SPEF1: variants seen among roughly 807,000 people sequenced by gnomAD.
The protein encoded by SPEF1 is sperm flagella and cilia-associated protein 1.
A neutral mutation model predicts 31.8 loss-of-function variants in SPEF1; 30 were observed. That is an observed-to-expected ratio of 0.94 (90% confidence interval 0.70 to 1.28). The LOEUF is 1.28. SPEF1 is among the 50% of genes most tolerant of loss of function. The probability of loss-of-function intolerance (pLI) is 0.00; values close to 1 mark genes in which losing one functional copy is unlikely to be tolerated. For synonymous variants in SPEF1, 126 were observed against 130.1 expected (o/e 0.97, Z 0.21); for missense variants, 298 against 309.6 (o/e 0.96, Z 0.28).
At position 3,777,996 on chromosome 20, in the gene SPEF1, G is replaced by A. The variant is rs1409298607; in HGVS notation, c.*216C>T. On this transcript the variant is annotated 3_prime_UTR_variant, in exon 7 of 7. Transcript: ENST00000379756. The surrounding 1 kb of genome is among the most constrained non-coding windows in gnomAD (Gnocchi z 4.1). Reference sequence around the variant, plus strand: ...CCTGACCCGGATCTCCGGAGTGGTAGGAGGCGGCTCAGTCCCGGGCCTGCG... The same window carrying A: ...CCTGACCCGGATCTCCGGAGTGGTAAGAGGCGGCTCAGTCCCGGGCCTGCG... 17 of 527,646 alleles carry A rather than the reference G, an allele frequency of 3.2e-5. No individual in the cohort carries two copies. The highest frequency in any genetic ancestry group is 5.4e-5 in the Non-Finnish European group (16 of 298,640). 32.7% of individuals were successfully genotyped at this position (527,646 alleles called of 1,614,324 possible). A position where few individuals can be genotyped will look rare whatever the true frequency, so the allele number is the denominator to read the frequency against.
Position 3,781,408 on chromosome 20 carries a change from A to G in SPEF1, c.-121T>C, listed in dbSNP as rs2088778959. On this transcript the variant is annotated 5_prime_UTR_variant, in exon 1 of 7. Coordinates refer to ENST00000379756, the MANE Select transcript of SPEF1 (RefSeq NM_015417.5). ...ATAACTGCCTCTGCCTGCCTAATCCAGAGACTCACGTCCCAGCTGGGAGCG... is the reference window on the plus strand; with the variant it reads ...ATAACTGCCTCTGCCTGCCTAATCCGGAGACTCACGTCCCAGCTGGGAGCG... 1.9e-5 allele frequency: 27 copies of G among 1,411,226 alleles called. No individual in the cohort carries two copies. The South Asian group carries it at 3.5e-4, about 18-fold the overall frequency. 87.4% of individuals were successfully genotyped at this position (1,411,226 alleles called of 1,614,324 possible). A position where few individuals can be genotyped will look rare whatever the true frequency, so the allele number is the denominator to read the frequency against.
At chr20:3,780,476 T>G (rs1043381916) in intron 1 of SPEF1, among the ~76,000 whole-genome samples, 5 of 110,472 alleles carry the variant, frequency 4.5e-5, no homozygotes. Context: ...TCCAGGAGAG[T>G]AAAAGACTCA....
At chr20:3,778,845 C>A in intron 4 of SPEF1, 39 bp from the exon 5 acceptor site, 1 of 1,610,178 alleles carries the variant, frequency 6.2e-7, no homozygotes, top group Non-Finnish European at 8.5e-7. Context: ...GTGCTGGAGT[C>A]TCATTCTCCT....
chr20:3,779,280 G>T lies in SPEF1; in HGVS notation c.294C>A (p.Gly98=). ...VMRKIAQCAP[G]VVELVLIPLR... ...GCGGGATGAGCACCAGCTCCACCACGCCTGGGGCGCACTGCGCGATCTTGC... is the reference window on the plus strand; with the variant it reads ...GCGGGATGAGCACCAGCTCCACCACTCCTGGGGCGCACTGCGCGATCTTGC... Residue 98 remains glycine, a synonymous_variant, in exon 3 of 7, where the codon GGC becomes GGA. Transcript: ENST00000379756. The T allele has an allele frequency of 6.3e-7, 1 of 1,599,096 alleles. No individual in the cohort carries two copies. Among genetic ancestry groups the T allele is most frequent in the South Asian group, 1.1e-5 (1 of 88,786 alleles).
intron 2 of SPEF1, 125 bp downstream of exon 2, chr20:3,779,539 T>G: frequency 1.1e-6 from 1 of 894,804 alleles, no homozygotes; most frequent in Non-Finnish European, 1.8e-6. Flanking sequence ...AATAGAAGAG[T>G]CTCTTGATTT....
In SPEF1 at chr20:3,781,280, C is replaced by G. The variant is rs765687918; in HGVS notation, c.8G>C (p.Ser3Thr). 5.0e-6 allele frequency: 8 copies of G among 1,613,722 alleles called. No individual in the cohort carries two copies. The Admixed American group carries it at 8.3e-5, about 17-fold the overall frequency. The change falls in exon 1 of 7, where the codon AGC becomes ACC. Residue 3 changes from serine (S) to threonine (T), a missense_variant. Coordinates refer to ENST00000379756, the MANE Select transcript of SPEF1 (RefSeq NM_015417.5). ...GTGCAGCGCCTCCTCGTCCACGCTG[C>G]TCGCCATTGGCGTCCTCACGGCCTG... MA[S>T]SVDEEALHQL...
Position 3,781,223 on chromosome 20 carries a change from A to G in SPEF1, c.65T>C (p.Leu22Pro), listed in dbSNP as rs2088777442. 2 of 1,614,094 alleles carry G rather than the reference A, an allele frequency of 1.2e-6. No individual in the cohort carries two copies. Among genetic ancestry groups the G allele is most frequent in the Admixed American group, 1.7e-5 (1 of 60,008 alleles). Reference protein sequence around the residue: ...QLYLWVDNIPLSRPKRNLSRD... With the variant: ...QLYLWVDNIPPSRPKRNLSRD... The stretch of plus-strand genomic sequence containing the variant: ...GGAGAGGTTTCGCTTGGGCCGGGAC[A>G]GAGGGATGTTGTCTACCCACAGGTA... Residue 22 changes from leucine (L) to proline (P), a missense_variant, in exon 1 of 7, where the codon CTG (leucine) becomes CCG (proline). Physicochemically the swap from Leu to Pro is moderately conservative, Grantham distance 98. Transcript: ENST00000379756.
chr20:3,779,479 G>T, intron 2 of SPEF1, 127 bp from the exon 3 acceptor site: 1 of 919,348 alleles, frequency 1.1e-6, no homozygotes, highest in African/African-American at 1.6e-5. Context: ...AAAGCGCATC[G>T]CATCTGAGCT....
chr20:3,778,503 C>CG lies in SPEF1; in HGVS notation c.520dup (p.Arg174ProfsTer15). The CG allele has an allele frequency of 6.2e-7, 1 of 1,612,298 alleles. No individual in the cohort carries two copies. Among genetic ancestry groups the CG allele is most frequent in the African/African-American group, 1.3e-5 (1 of 75,028 alleles). On this transcript the variant is annotated frameshift_variant, in exon 6 of 7. Transcript: ENST00000379756. LOFTEE classifies it high-confidence loss of function. ...GAAGCTGGGGTCGCCCTGCAACGCC[C>CG]GGTTATACGCTGGAGGCCGAGGCGC... is the stretch of plus-strand genomic sequence containing the variant.
Position 3,778,098 on chromosome 20 carries a change from C to G in SPEF1, c.*114G>C. ...GAGGGCACTCGGGCCCCAGCAGGCT[C>G]GTGAGAGCAGCGGGCTCCGCCCTCC... On this transcript the variant is annotated 3_prime_UTR_variant, in exon 7 of 7. Coordinates refer to ENST00000379756, the MANE Select transcript of SPEF1 (RefSeq NM_015417.5). 1 of 761,820 alleles carries G rather than the reference C, an allele frequency of 1.3e-6. No homozygotes were observed. The highest frequency in any genetic ancestry group is 3.1e-5 in the Admixed American group (1 of 32,486). The allele number at this position is 761,820 out of a possible 1,614,324, so 47.2% of individuals were successfully genotyped here.
chr20:3,778,080 C>T lies in SPEF1; in HGVS notation c.*132G>A. 4.5e-6 allele frequency: 3 copies of T among 664,334 alleles called. No homozygotes were observed. Among genetic ancestry groups the T allele is most frequent in the Non-Finnish European group, 2.5e-6 (1 of 404,530 alleles). 41.2% of individuals were successfully genotyped at this position (664,334 alleles called of 1,614,324 possible). The stretch of plus-strand genomic sequence containing the variant: ...TCACCCATCCCAAGGAAGGAGGGCA[C>T]TCGGGCCCCAGCAGGCTCGTGAGAG... On this transcript the variant is annotated 3_prime_UTR_variant, in exon 7 of 7. Coordinates refer to ENST00000379756, the MANE Select transcript of SPEF1 (RefSeq NM_015417.5).
Position 3,779,757 on chromosome 20 carries a change from A to G in SPEF1, c.128T>C (p.Ile43Thr). 2 of 1,590,144 alleles carry G rather than the reference A, an allele frequency of 1.3e-6. No individual in the cohort carries two copies. Among genetic ancestry groups the G allele is most frequent in the Non-Finnish European group, 8.6e-7 (1 of 1,164,776 alleles). The part of the protein sequence containing the change: ...FSDGVLVAEV[I>T]KFYFPKMVEM... ...CACCATCTTGGGGAAGTAAAACTTG[A>G]TGACCTCTGCAACAAGGACTGAGGG... is the stretch of plus-strand genomic sequence containing the variant. The change falls in exon 2 of 7, where the codon ATC (isoleucine) becomes ACC (threonine). Residue 43 changes from isoleucine (I) to threonine (T), a missense_variant. By Grantham distance (89) the Ile-to-Thr change is moderately conservative (BLOSUM62 -1). Transcript: ENST00000379756.
rs1461642138 is a variant in SPEF1, at chr20:3,778,787, T to C, written c.438A>G (p.Arg146=). ...YMDVGVSQKA[R]GEGVPDPQGG... is the part of the protein sequence containing the mutation. ...CCTGGGGGTCCGGGACACCTTCACC[T>C]CGGGCCTTCTGGGATACACCTGAGA... The change falls in exon 5 of 7, where the codon CGA becomes CGG. Residue 146 remains arginine, a synonymous_variant. Transcript: ENST00000379756. The C allele has an allele frequency of 2.5e-6, 4 of 1,613,778 alleles. No individual in the cohort carries two copies. Among genetic ancestry groups the C allele is most frequent in the Non-Finnish European group, 3.4e-6 (4 of 1,179,962 alleles).
chr20:3,778,334 G>A lies in SPEF1; in HGVS notation c.604-15C>T. On this transcript the variant is annotated splice_polypyrimidine_tract_variant and intron_variant, in intron 6 of 6. Transcript: ENST00000379756. ...ATCTGCAGGACCTAAGCCGCACCGC[G>A]CAGGCGTCAAGCCTGGCGGTCTGCT... The A allele has an allele frequency of 6.2e-7, 1 of 1,612,130 alleles. No individual in the cohort carries two copies. The highest frequency in any genetic ancestry group is 1.1e-5 in the South Asian group (1 of 91,034).
Position 3,779,312 on chromosome 20 carries a change from C to G in SPEF1, c.262G>C (p.Val88Leu). 6.2e-7 allele frequency: 1 copy of G among 1,600,866 alleles called. No individual in the cohort carries two copies. Among genetic ancestry groups the G allele is most frequent in the Non-Finnish European group, 8.5e-7 (1 of 1,172,384 alleles). ...KRLNFSVPDD[V>L]MRKIAQCAPG... is the part of the protein sequence containing the mutation. ...GCGCACTGCGCGATCTTGCGCATCACGTCATCCGGTACTGAAAAGTTCAGC... is the reference window on the plus strand; with the variant it reads ...GCGCACTGCGCGATCTTGCGCATCAGGTCATCCGGTACTGAAAAGTTCAGC... Residue 88 changes from valine to leucine, a missense_variant, in exon 3 of 7, where the codon GTG becomes CTG. Val to Leu is a conservative substitution (Grantham distance 32). Transcript: ENST00000379756.
chr20:3,778,330 C>A lies in SPEF1; in HGVS notation c.604-11G>T, dbSNP rs1356384614. Reference sequence around the variant, plus strand: ...CTTCATCTGCAGGACCTAAGCCGCACCGCGCAGGCGTCAAGCCTGGCGGTC... The same window carrying A: ...CTTCATCTGCAGGACCTAAGCCGCAACGCGCAGGCGTCAAGCCTGGCGGTC... On this transcript the variant is annotated splice_polypyrimidine_tract_variant and intron_variant, in intron 6 of 6. Transcript: ENST00000379756. 1 of 1,612,440 alleles carries A rather than the reference C, an allele frequency of 6.2e-7. No individual in the cohort carries two copies. The highest frequency in any genetic ancestry group is 8.5e-7 in the Non-Finnish European group (1 of 1,178,838).
At position 3,779,672 on chromosome 20, in the gene SPEF1, ATGACCCCAGT is replaced by A; in HGVS notation, c.203_212del (p.Asn68IlefsTer2). The A allele has an allele frequency of 6.2e-7, 1 of 1,610,202 alleles. No homozygotes were observed. The highest frequency in any genetic ancestry group is 8.5e-7 in the Non-Finnish European group (1 of 1,176,506). ...CACAGGTATTCTGCTACCTGTTCAG[ATGACCCCAGT>A]TGCTGAGCTTCTGCTGGAGAGAGTT... On this transcript the variant is annotated frameshift_variant, in exon 2 of 7. Transcript: ENST00000379756. LOFTEE classifies it high-confidence loss of function.
rs199507287 is a variant in SPEF1, at chr20:3,779,676, C to T, written c.209G>A (p.Gly70Asp). Residue 70 changes from glycine to aspartate, a missense_variant, in exon 2 of 7, where the codon GGT becomes GAT. Coordinates refer to ENST00000379756, the MANE Select transcript of SPEF1 (RefSeq NM_015417.5). The part of the protein sequence containing the change: ...NSLQQKLSNW[G>D]HLNRKVLKRL... ...GGTATTCTGCTACCTGTTCAGATGACCCCAGTTGCTGAGCTTCTGCTGGAG... is the reference window on the plus strand; with the variant it reads ...GGTATTCTGCTACCTGTTCAGATGATCCCAGTTGCTGAGCTTCTGCTGGAG... 2.1e-5 allele frequency: 34 copies of T among 1,611,020 alleles called. No individual in the cohort carries two copies. In the East Asian group the frequency reaches 6.9e-4, roughly 33 times the overall value.
rs371140926 is a variant in SPEF1, at chr20:3,778,339, C to T, written c.604-20G>A. The stretch of plus-strand genomic sequence containing the variant: ...CAGGACCTAAGCCGCACCGCGCAGG[C>T]GTCAAGCCTGGCGGTCTGCTCCCTC... On this transcript the variant is annotated intron_variant, in intron 6 of 6. Coordinates refer to ENST00000379756, the MANE Select transcript of SPEF1 (RefSeq NM_015417.5). 5.0e-6 allele frequency: 8 copies of T among 1,612,338 alleles called. No individual in the cohort carries two copies. The African/African-American group carries it at 8.0e-5, about 16-fold the overall frequency.
Sources: gnomAD v4.1 joint callset for allele counts (sites outside exome capture counted in the v4.1 genomes callset) on GRCh38, gnomAD v4.1.1 for gene constraint, Gnocchi (gnomAD v3.1) non-coding constraint, MANE v1.5 for transcripts, NCBI Gene and HGNC (gene_info 2026-07-23, HGNC 2026-07-21) for gene names.